The following FAM171A1 variants were observed in gnomAD, a reference collection of about 807,000 sequenced individuals.
FAM171A1 encodes family with sequence similarity 171 member A1.
Under a neutral mutation model 74.9 loss-of-function variants are expected in FAM171A1, and 23 were observed. The observed-to-expected ratio is 0.31, with a 90% CI of 0.22 to 0.44. FAM171A1 has a LOEUF of 0.44. Among genes scored for constraint, FAM171A1 ranks in the 20% least tolerant of loss-of-function variants. The probability of loss-of-function intolerance (pLI) is 1.00; values close to 1 mark genes in which losing one functional copy is unlikely to be tolerated. For synonymous variants in FAM171A1, 527 were observed against 505.7 expected (o/e 1.04, Z -0.57); for missense variants, 1,162 against 1,159.2 (o/e 1.00, Z -0.03).
At chr10:15,355,255 T>A (rs945139256) in intron 1 of FAM171A1, among the ~76,000 whole-genome samples, 1 of 152,162 alleles carries the variant, frequency 6.6e-6, no homozygotes, top group Non-Finnish European at 1.5e-5. Context: ...TTGTATTTTT[T>A]GTAGAGACGG....
chr10:15,282,314 A>C (rs1051539667), intron 2 of FAM171A1, among the ~76,000 whole-genome samples: 2 of 152,152 alleles, frequency 1.3e-5, no homozygotes. Flanking sequence ...TGGAGAAAAC[A>C]TGTGTGTTCG....
At chr10:15,363,748 C>T (rs1020291461) in intron 1 of FAM171A1, among the ~76,000 whole-genome samples, 1 of 152,184 alleles carries the variant, frequency 6.6e-6, no homozygotes, top group African/African-American at 2.4e-5. Context: ...CAAATGTCAC[C>T]TGTCTCCCCT....
In FAM171A1 at chr10:15,214,216, G is replaced by A; in HGVS notation, c.1372C>T (p.His458Tyr). The change falls in exon 8 of 8, where the codon CAT becomes TAT. Residue 458 changes from histidine (H) to tyrosine (Y), a missense_variant. Physicochemically the swap from His to Tyr is moderately conservative, Grantham distance 83. Coordinates refer to ENST00000378116, the MANE Select transcript of FAM171A1 (RefSeq NM_001010924.2). ...TPSGTLGKDY[H>Y]KSVEVFPLKA... ...AAGGGAAAAACCTCCACTGACTTAT[G>A]GTAGTCTTTCCCCAGCGTCCCACTT... 2 of 1,614,126 alleles carry A rather than the reference G, an allele frequency of 1.2e-6. No homozygotes were observed. The highest frequency in any genetic ancestry group is 1.7e-6 in the Non-Finnish European group (2 of 1,180,002).
chr10:15,318,289 G>A (rs1051530743), intron 1 of FAM171A1, among the ~76,000 whole-genome samples: 1 of 152,208 alleles, frequency 6.6e-6, no homozygotes, highest in Non-Finnish European at 1.5e-5. Context: ...TGAATCCGGA[G>A]AAAGAGATTC....
intron 1 of FAM171A1, among the ~76,000 whole-genome samples, chr10:15,337,527 A>C (rs866567612): frequency 1.5e-5 from 2 of 129,968 alleles, no homozygotes; most frequent in African/African-American, 2.6e-5. Flanking sequence ...GCCGTGACTC[A>C]CGCCTGTAAT....
chr10:15,354,833 TA>T (rs1247860340), intron 1 of FAM171A1, among the ~76,000 whole-genome samples: 1 of 152,216 alleles, frequency 6.6e-6, no homozygotes, highest in Non-Finnish European at 1.5e-5. Context: ...CTATCCTGTC[TA>T]ACTTTATAAA....
chr10:15,296,872 T>G (rs1416825527), intron 1 of FAM171A1, among the ~76,000 whole-genome samples: 1 of 152,184 alleles, frequency 6.6e-6, no homozygotes, highest in Non-Finnish European at 1.5e-5. Context: ...ACTGTGTGCC[T>G]TTCTGTGTTC....
At chr10:15,355,217 G>A (rs920906627) in intron 1 of FAM171A1, among the ~76,000 whole-genome samples, 2 of 152,172 alleles carry the variant, frequency 1.3e-5, no homozygotes. Context: ...CCTGAGTACA[G>A]GTGCGTGCCA....
rs112310816 is a variant in FAM171A1, at chr10:15,215,164, A to C, written c.987-563T>G. On this transcript the variant is annotated intron_variant, in intron 7 of 7. Transcript: ENST00000378116. ...TATGACATTCATTTTTCTATGACTT[A>C]AAAAAGTCAACAACTTATTAAAGAG... is the stretch of plus-strand genomic sequence containing the variant. Among the ~76,000 whole-genome samples the C allele has an allele frequency of 3.1e-3, 476 of 152,326 alleles. 2 individuals are homozygous for C. Among genetic ancestry groups the C allele is most frequent in the African/African-American group, 0.011 (438 of 41,572 alleles).
chr10:15,293,741 G>T (rs1340328809), intron 1 of FAM171A1, among the ~76,000 whole-genome samples: 1 of 152,186 alleles, frequency 6.6e-6, no homozygotes, highest in Non-Finnish European at 1.5e-5. Flanking sequence ...GGTACTCACT[G>T]CATGCAAACT....
rs958978397 is a variant in FAM171A1 at position 15,343,711 on chromosome 10, A to G, written c.97+27245T>C. On this transcript the variant is annotated intron_variant, in intron 1 of 7. Coordinates refer to ENST00000378116, the MANE Select transcript of FAM171A1 (RefSeq NM_001010924.2). ...CACTGCACAGGCCGGTGGTCAGGAG[A>G]GAGGTCTGGACGGGGGACAGCCTTG... 6.6e-5 allele frequency among the ~76,000 whole-genome samples: 10 copies of G among 152,102 alleles called. No individual in the cohort carries two copies. In the East Asian group the frequency reaches 1.5e-3, roughly 23 times the overall value.
chr10:15,272,568 C>T (rs1375683290), intron 3 of FAM171A1, among the ~76,000 whole-genome samples: 2 of 152,198 alleles, frequency 1.3e-5, no homozygotes, highest in African/African-American at 4.8e-5. Context: ...GAACTCTCCA[C>T]CCCAAATCAA....
chr10:15,268,974 G>A (rs531190759), intron 3 of FAM171A1, among the ~76,000 whole-genome samples: 7 of 152,254 alleles, frequency 4.6e-5, no homozygotes, highest in Admixed American at 1.3e-4. Context: ...CCTGGGAGGC[G>A]GATATTGCAG....
At chr10:15,216,376 C>T (rs764528491) in intron 6 of FAM171A1, among the ~76,000 whole-genome samples, 72 of 152,120 alleles carry the variant, frequency 4.7e-4, no homozygotes, top group African/African-American at 1.5e-3. Context: ...CCCTCCTAAG[C>T]GGAGAAGTGC....
intron 4 of FAM171A1, among the ~76,000 whole-genome samples, chr10:15,252,519 T>G (rs1834522899): frequency 6.6e-6 from 1 of 152,128 alleles, no homozygotes; most frequent in African/African-American, 2.4e-5. Context: ...TGAGTGACTG[T>G]GGGCAAAAGA....
intron 2 of FAM171A1, among the ~76,000 whole-genome samples, chr10:15,280,313 A>G (rs1834951368): frequency 1.3e-5 from 2 of 152,208 alleles, no homozygotes; most frequent in Admixed American, 1.3e-4. Context: ...CATGAACTGC[A>G]CATATATATT....
intron 5 of FAM171A1, among the ~76,000 whole-genome samples, chr10:15,230,574 C>G (rs904213097): frequency 6.6e-6 from 1 of 152,192 alleles, no homozygotes; most frequent in African/African-American, 2.4e-5. Context: ...TGACTGTATT[C>G]AGCTGCAACA....
chr10:15,367,310 GT>G (rs1208827229), intron 1 of FAM171A1, among the ~76,000 whole-genome samples: 3 of 152,224 alleles, frequency 2.0e-5, no homozygotes, highest in African/African-American at 7.2e-5. Flanking sequence ...TGGTTTGGAT[GT>G]TAAGGTAACA....
At chr10:15,223,171 C>A (rs577554173) in intron 5 of FAM171A1, among the ~76,000 whole-genome samples, 25 of 152,282 alleles carry the variant, frequency 1.6e-4, no homozygotes, top group African/African-American at 5.5e-4. Flanking sequence ...GAGATGCCAT[C>A]TCTACAAAAA....
Sources: gnomAD v4.1 joint callset for allele counts (sites outside exome capture counted in the v4.1 genomes callset) on GRCh38, gnomAD v4.1.1 for gene constraint, MANE v1.5 for transcripts, NCBI Gene and HGNC (gene_info 2026-07-23, HGNC 2026-07-21) for gene names.